Variants in NHSL1 observed in about 807,000 individuals in gnomAD.
NHSL1 encodes the protein NHS like 1, also known as NHS-like protein 1.
Under a neutral mutation model 95.0 loss-of-function variants are expected in NHSL1, and 48 were observed. The observed-to-expected ratio is 0.51, with a 90% confidence interval of 0.40 to 0.64. NHSL1 has a LOEUF of 0.64. NHSL1 is among the 30% of genes least tolerant of loss of function. NHSL1 has a pLI of 0.00. For missense variants in NHSL1, 1,971 were observed against 2,077.7 expected (o/e 0.95, Z 1.00); for synonymous variants, 783 against 833.9 (o/e 0.94, Z 1.05).
At chr6:138,569,255 G>C (rs955203673) in intron 1 of NHSL1, among the ~76,000 whole-genome samples, 6 of 151,376 alleles carry the variant, frequency 4.0e-5, no homozygotes, top group East Asian at 3.9e-4. Context: ...ATGTGTGTGT[G>C]TGTGTGTGTG....
chr6:138,644,027 C>T (rs1380672417), intron 1 of NHSL1, among the ~76,000 whole-genome samples: 4 of 151,162 alleles, frequency 2.6e-5, no homozygotes, highest in Non-Finnish European at 4.4e-5. Context: ...AGCTAAGCAG[C>T]TCAAGTGCCT....
intron 1 of NHSL1, chr6:138,691,913 G>T (rs1430880104): frequency 8.8e-6 from 4 of 456,638 alleles, no homozygotes; most frequent in South Asian, 4.6e-5. Context: ...AAAATTCTGC[G>T]CCAAATGGGA....
intron 1 of NHSL1, chr6:138,571,630 A>C: frequency 7.4e-7 from 1 of 1,344,638 alleles, no homozygotes; most frequent in Non-Finnish European, 1.0e-6. Context: ...GGCAAAAATC[A>C]TGAAGGGGGA....
chr6:138,682,906 G>A (rs1785531710), intron 1 of NHSL1, among the ~76,000 whole-genome samples: 1 of 152,212 alleles, frequency 6.6e-6, no homozygotes, highest in Non-Finnish European at 1.5e-5. Flanking sequence ...GTTCCAAGAT[G>A]CCCGAGGAAA....
intron 1 of NHSL1, among the ~76,000 whole-genome samples, chr6:138,614,176 T>A (rs546273892): frequency 5.3e-5 from 8 of 152,236 alleles, no homozygotes; most frequent in Non-Finnish European, 1.2e-4. Flanking sequence ...GAAATTGATG[T>A]GTGAGGCTCT....
At chr6:138,606,925 G>A (rs1015607114) in intron 1 of NHSL1, among the ~76,000 whole-genome samples, 9 of 151,886 alleles carry the variant, frequency 5.9e-5, no homozygotes, top group East Asian at 1.9e-4. Flanking sequence ...GGATGGTCTC[G>A]ATCTCCTGAC....
At chr6:138,534,210 C>G (rs1043019493) in intron 1 of NHSL1, among the ~76,000 whole-genome samples, 9 of 152,052 alleles carry the variant, frequency 5.9e-5, no homozygotes, top group African/African-American at 2.2e-4. Flanking sequence ...GTCTTTTTAC[C>G]CAAACTAGAT....
At chr6:138,592,892 CTA>C (rs1784251851) in intron 1 of NHSL1, among the ~76,000 whole-genome samples, 1 of 152,144 alleles carries the variant, frequency 6.6e-6, no homozygotes, top group Non-Finnish European at 1.5e-5. Flanking sequence ...ATATATCATT[CTA>C]TATACCAAAT....
At chr6:138,525,168 A>G (rs1354431367) in intron 1 of NHSL1, among the ~76,000 whole-genome samples, 3 of 152,082 alleles carry the variant, frequency 2.0e-5, no homozygotes, top group African/African-American at 7.2e-5. Flanking sequence ...GTTGAGCTCT[A>G]AGTTCGATTC....
At position 138,433,479 on chromosome 6, in the gene NHSL1, G is replaced by A. The variant is rs1483952241; in HGVS notation, c.866C>T (p.Ala289Val). Residue 289 changes from alanine (A) to valine (V), a missense_variant, in exon 6 of 8, where the codon GCC (alanine) becomes GTC (valine). Coordinates refer to ENST00000343505, the MANE Select transcript of NHSL1 (RefSeq NM_001144060.2). Reference protein sequence around the residue: ...IRAQKGQGIAAQMGHFSGSSG... With the variant: ...IRAQKGQGIAVQMGHFSGSSG... Reference sequence around the variant, plus strand: ...GGAACCTGAGAAGTGGCCCATCTGGGCAGCAATGCCTTGCCCCTTCTGTGC... The same window carrying A: ...GGAACCTGAGAAGTGGCCCATCTGGACAGCAATGCCTTGCCCCTTCTGTGC... 1 of 1,552,164 alleles carries A rather than the reference G, an allele frequency of 6.4e-7. No homozygotes were observed. Among genetic ancestry groups the A allele is most frequent in the South Asian group, 1.2e-5 (1 of 84,060 alleles).
intron 4 of NHSL1, among the ~76,000 whole-genome samples, chr6:138,442,701 TACC>T (rs1243618305): frequency 6.6e-6 from 1 of 152,238 alleles, no homozygotes; most frequent in Non-Finnish European, 1.5e-5. Context: ...AAAGTACTTT[TACC>T]ACAATGAGAC....
intron 1 of NHSL1, among the ~76,000 whole-genome samples, chr6:138,559,335 G>A (rs547289801): frequency 1.3e-5 from 2 of 152,332 alleles, no homozygotes; most frequent in African/African-American, 4.8e-5. Flanking sequence ...GCATCAGCAG[G>A]CTCTTCCACA....
intron 1 of NHSL1, among the ~76,000 whole-genome samples, chr6:138,682,642 GATGA>G (rs756173275): frequency 3.9e-5 from 6 of 152,098 alleles, no homozygotes; most frequent in Non-Finnish European, 7.3e-5. Context: ...TTCAGGAATG[GATGA>G]ATGGATGAAT....
At chr6:138,625,943 G>GA (rs1049376461) in intron 1 of NHSL1, among the ~76,000 whole-genome samples, 1 of 152,154 alleles carries the variant, frequency 6.6e-6, no homozygotes, top group Non-Finnish European at 1.5e-5. Context: ...ACACCCAACC[G>GA]AAAGTATTTG....
chr6:138,567,877 C>T (rs986130571), intron 1 of NHSL1, among the ~76,000 whole-genome samples: 4 of 152,164 alleles, frequency 2.6e-5, no homozygotes, highest in Non-Finnish European at 1.5e-5. Flanking sequence ...ATGTCAATTA[C>T]CTTCTCTATC....
In NHSL1 at chr6:138,626,684, G is replaced by A. The variant is rs1157476807; in HGVS notation, c.96+65792C>T. 2.8e-5 allele frequency among the ~76,000 whole-genome samples: 2 copies of A among 72,234 alleles called. 1 individual carries two copies. Among genetic ancestry groups the A allele is most frequent in the African/African-American group, 1.5e-4 (2 of 13,702 alleles). The allele number at this position is 72,234 out of a possible 152,430, so 47.4% of individuals were successfully genotyped here. On this transcript the variant is annotated intron_variant, in intron 1 of 3. Transcript: ENST00000491526. Reference sequence around the variant, plus strand: ...CGAGGCGGGCGGATCACGAGGTCAGGAGATCGAGACCATCCCGGCTAAAAC... The same window carrying A: ...CGAGGCGGGCGGATCACGAGGTCAGAAGATCGAGACCATCCCGGCTAAAAC...
At chr6:138,662,427 T>C (rs997311682) in intron 1 of NHSL1, among the ~76,000 whole-genome samples, 5 of 152,276 alleles carry the variant, frequency 3.3e-5, no homozygotes, top group African/African-American at 1.2e-4. Flanking sequence ...AAAGCCATTA[T>C]TTTTAACTGA....
In NHSL1 at chr6:138,430,464, T is replaced by G; in HGVS notation, c.3881A>C (p.Glu1294Ala). Reference sequence around the variant, plus strand: ...ATCCGCACTGTTCTCGGCTGGCTCCTCCTGCTTGGGGGCTGGTGAGACATC... The same window carrying G: ...ATCCGCACTGTTCTCGGCTGGCTCCGCCTGCTTGGGGGCTGGTGAGACATC... Reference protein sequence around the residue: ...QPDVSPAPKQEEPAENSADTG... With the variant: ...QPDVSPAPKQAEPAENSADTG... Residue 1294 changes from glutamate (E) to alanine (A), a missense_variant, in exon 6 of 8, where the codon GAG becomes GCG. Glu to Ala is a moderately radical substitution (Grantham distance 107). This residue lies in a region of NHSL1 where 1,602 missense variants were observed against 1,654.5 expected (regional missense o/e 0.97). Coordinates refer to ENST00000343505, the MANE Select transcript of NHSL1 (RefSeq NM_001144060.2). This position sits in a 1 kb window ranked among gnomAD's most constrained non-coding sequence, Gnocchi z 4.7. 1 of 1,549,404 alleles carries G rather than the reference T, an allele frequency of 6.5e-7. No individual in the cohort carries two copies. The highest frequency in any genetic ancestry group is 8.7e-7 in the Non-Finnish European group (1 of 1,145,644).
chr6:138,650,578 C>A (rs1785078241), intron 1 of NHSL1: 1 of 590,788 alleles, frequency 1.7e-6, no homozygotes, highest in Non-Finnish European at 3.3e-6. Context: ...ATTAATCCAA[C>A]AAATTCCAGC....
Sources: gnomAD v4.1 joint callset for allele counts (sites outside exome capture counted in the v4.1 genomes callset) on GRCh38, gnomAD v4.1.1 for gene constraint, gnomAD v4.1.1 regional missense constraint, Gnocchi (gnomAD v3.1) non-coding constraint, MANE v1.5 for transcripts, NCBI Gene and HGNC (gene_info 2026-07-23, HGNC 2026-07-21) for gene names.